The following TRAF3IP1 variants were observed in gnomAD, a reference collection of about 807,000 sequenced individuals.
TRAF3IP1 encodes the protein intraflagellar transport 54.
A neutral mutation model predicts 89.9 loss-of-function variants in TRAF3IP1; 53 were observed. That is an observed-to-expected ratio of 0.59 (90% confidence interval 0.47 to 0.74). The LOEUF is 0.74. TRAF3IP1 is among the 30% of genes least tolerant of loss of function. TRAF3IP1 has a pLI of 0.00. For synonymous variants in TRAF3IP1, 311 were observed against 322.1 expected, an observed-to-expected ratio of 0.97 and a Z score of 0.37; for missense variants, 806 against 866.1, an observed-to-expected ratio of 0.93 and a Z score of 0.87.
intron 15 of TRAF3IP1, among the ~76,000 whole-genome samples, chr2:238,376,000 G>A (rs1287683754): frequency 6.6e-6 from 1 of 152,038 alleles, no homozygotes; most frequent in South Asian, 2.1e-4. Flanking sequence ...TTCCATATGC[G>A]TGGAACTCTT....
rs750055952 is a variant in TRAF3IP1, at chr2:238,352,934, T to G, written c.1559T>G (p.Met520Arg). ...GAAGCTGCCCCTCAGCTCTCTGAAA[T>G]GTCAGAAATTGAAATGGTTAGTTAA... The part of the protein sequence containing the change: ...VVEAAPQLSE[M>R]SEIEMVTAVE... Residue 520 changes from methionine to arginine, a missense_variant, in exon 13 of 17, where the codon ATG becomes AGG. Around this residue, in one of 3 missense-constraint regions of TRAF3IP1, gnomAD observed 732 missense variants for 780.5 expected, o/e 0.94. Transcript: ENST00000373327. 6 of 1,610,120 alleles carry G rather than the reference T, an allele frequency of 3.7e-6. No individual in the cohort carries two copies. Among genetic ancestry groups the G allele is most frequent in the Admixed American group, 3.4e-5 (2 of 58,904 alleles).
At chr2:238,333,133 G>C (rs987045913) in intron 6 of TRAF3IP1, among the ~76,000 whole-genome samples, 15 of 152,166 alleles carry the variant, frequency 9.9e-5, no homozygotes, top group Non-Finnish European at 2.2e-4. Flanking sequence ...GTTTACTTAT[G>C]CCTTTATATG....
chr2:238,370,565 C>G (rs769117221), intron 15 of TRAF3IP1, among the ~76,000 whole-genome samples: 1 of 152,280 alleles, frequency 6.6e-6, no homozygotes, highest in African/African-American at 2.4e-5. Flanking sequence ...CTCCCTACCC[C>G]GGGCTCTCCC....
At chr2:238,330,400 C>T (rs1698062056) in intron 5 of TRAF3IP1, among the ~76,000 whole-genome samples, 1 of 152,210 alleles carries the variant, frequency 6.6e-6, no homozygotes, top group Non-Finnish European at 1.5e-5. Flanking sequence ...TTTTCCCAGA[C>T]ACCCAGACAC....
rs565663777 is a variant in TRAF3IP1, at chr2:238,376,634, G to C, written c.1689+20554G>C. On this transcript the variant is annotated intron_variant, in intron 15 of 16. Coordinates refer to ENST00000373327, the MANE Select transcript of TRAF3IP1 (RefSeq NM_015650.4). ...GTCTTTTAGTGAATGTTTATAATTT[G>C]ATTTGTTAAGGTTGTTCGTATCTTT... 6.6e-5 allele frequency among the ~76,000 whole-genome samples: 10 copies of C among 152,264 alleles called. 1 individual carries two copies. In the East Asian group the frequency reaches 1.3e-3, roughly 21 times the overall value.
chr2:238,391,617 T>A (rs524336), intron 15 of TRAF3IP1, among the ~76,000 whole-genome samples: 39,142 of 152,130 alleles, frequency 0.26, 6,093 homozygotes, highest in Middle Eastern at 0.44. Flanking sequence ...TATTTTAAAG[T>A]CTTAATCTCT....
intron 1 of TRAF3IP1, among the ~76,000 whole-genome samples, chr2:238,321,474 G>C (rs1359132924): frequency 6.6e-6 from 1 of 152,226 alleles, no homozygotes; most frequent in Admixed American, 6.5e-5. Context: ...GGACTTGGCA[G>C]GAAAGACTGT....
intron 15 of TRAF3IP1, among the ~76,000 whole-genome samples, chr2:238,395,667 A>T (rs186401291): frequency 1.9e-3 from 285 of 152,294 alleles, no homozygotes; most frequent in African/African-American, 6.3e-3. Flanking sequence ...ATCTACAATG[A>T]ACTCAAACAA....
In TRAF3IP1 at chr2:238,332,911, T is replaced by G. The variant is rs753772411; in HGVS notation, c.987+16T>G. The stretch of plus-strand genomic sequence containing the variant: ...TGAAACAGAGGTAAACTTTAAAAAA[T>G]AACTTTTAAGAGATGTCAACTTGTA... On this transcript the variant is annotated intron_variant, in intron 6 of 16. Transcript: ENST00000373327. 8.2e-6 allele frequency: 13 copies of G among 1,593,674 alleles called. No homozygotes were observed. The East Asian group carries it at 2.9e-4, about 36-fold the overall frequency.
chr2:238,367,720 G>A (rs550654247), intron 15 of TRAF3IP1, among the ~76,000 whole-genome samples: 54 of 152,260 alleles, frequency 3.5e-4, no homozygotes, highest in African/African-American at 1.3e-3. Flanking sequence ...CACTGCTGAG[G>A]AAATTGAGGC....
chr2:238,387,600 A>G (rs1050826145), intron 15 of TRAF3IP1, among the ~76,000 whole-genome samples: 1 of 152,214 alleles, frequency 6.6e-6, no homozygotes, highest in African/African-American at 2.4e-5. Flanking sequence ...TCACGTGCTC[A>G]TCTCTATTGG....
At chr2:238,332,947 A>G in intron 6 of TRAF3IP1, 52 bp downstream of exon 6, 1 of 1,394,504 alleles carries the variant, frequency 7.2e-7, no homozygotes, top group Non-Finnish European at 1.0e-6. Context: ...GCTGTGTTGA[A>G]ATAGTGAATG....
intron 15 of TRAF3IP1, among the ~76,000 whole-genome samples, chr2:238,367,695 A>C (rs1008260273): frequency 9.2e-5 from 14 of 151,990 alleles, no homozygotes; most frequent in African/African-American, 3.4e-4. Flanking sequence ...GGCCTCCTGC[A>C]CCTGCACCAC....
In TRAF3IP1 at chr2:238,400,352, C is replaced by T. The variant is rs1003837694; in HGVS notation, c.*1433C>T. On this transcript the variant is annotated 3_prime_UTR_variant, in exon 17 of 17. Coordinates refer to ENST00000373327, the MANE Select transcript of TRAF3IP1 (RefSeq NM_015650.4). ...CTCGTGATCCGCCTGCCTCGGCCTC[C>T]CAAAGTGCTGGGATTACAGGCATGA... is the stretch of plus-strand genomic sequence containing the variant. 5 of 152,258 alleles carry T rather than the reference C, an allele frequency of 3.3e-5. No individual in the cohort carries two copies. The highest frequency in any genetic ancestry group is 1.3e-4 in the Admixed American group (2 of 15,284). 9.4% of individuals were successfully genotyped at this position (152,258 alleles called of 1,614,324 possible).
At chr2:238,327,135 A>G (rs941439534) in intron 3 of TRAF3IP1, among the ~76,000 whole-genome samples, 1 of 152,024 alleles carries the variant, frequency 6.6e-6, no homozygotes, top group African/African-American at 2.4e-5. Flanking sequence ...CCTCCATTCC[A>G]GTCGCCACGC....
chr2:238,351,677 C>G lies in TRAF3IP1; in HGVS notation c.1452-1150C>G, dbSNP rs115375151. 6.6e-6 allele frequency among the ~76,000 whole-genome samples: 1 copy of G among 152,100 alleles called. No homozygotes were observed. Among genetic ancestry groups the G allele is most frequent in the South Asian group, 2.1e-4 (1 of 4,826 alleles). ...GCAGCGGGTTCGAAGTGAGGTTGGT[C>G]CTGGCGGAGCCACACAGGTGGTTGT... On this transcript the variant is annotated intron_variant, in intron 12 of 16. Coordinates refer to ENST00000373327, the MANE Select transcript of TRAF3IP1 (RefSeq NM_015650.4). The surrounding 1 kb of genome is among the most constrained non-coding windows in gnomAD (Gnocchi z 5.2).
At position 238,351,733 on chromosome 2, in the gene TRAF3IP1, C is replaced by T. The variant is rs372599330; in HGVS notation, c.1452-1094C>T. Among the ~76,000 whole-genome samples, 9 of 151,986 alleles carry T rather than the reference C, an allele frequency of 5.9e-5. No individual in the cohort carries two copies. The highest frequency in any genetic ancestry group is 1.7e-4 in the African/African-American group (7 of 41,364). Reference sequence around the variant, plus strand: ...GTCTCAAGGACCCAGTTGAGGAAGTCGAGGATGTTTGGGGCAATGGGTGTT... The same window carrying T: ...GTCTCAAGGACCCAGTTGAGGAAGTTGAGGATGTTTGGGGCAATGGGTGTT... On this transcript the variant is annotated intron_variant, in intron 12 of 16. Transcript: ENST00000373327. This position sits in a 1 kb window ranked among gnomAD's most constrained non-coding sequence, Gnocchi z 5.2.
chr2:238,398,991 CTT>C lies in TRAF3IP1; in HGVS notation c.*75_*76del. 7.4e-6 allele frequency: 10 copies of C among 1,351,086 alleles called. No individual in the cohort carries two copies. Among genetic ancestry groups the C allele is most frequent in the Non-Finnish European group, 1.0e-5 (10 of 989,200 alleles). 83.7% of individuals were successfully genotyped at this position (1,351,086 alleles called of 1,614,324 possible). On this transcript the variant is annotated 3_prime_UTR_variant, in exon 17 of 17. Transcript: ENST00000373327. ...AAAAGGAAGATAGAAAATCATTACT[CTT>C]TTAAGTTCCAGTTTGCTAAGAAAAT...
intron 15 of TRAF3IP1, among the ~76,000 whole-genome samples, chr2:238,382,666 G>A (rs940290385): frequency 6.6e-6 from 1 of 152,084 alleles, no homozygotes; most frequent in African/African-American, 2.4e-5. Context: ...TCACAGTCGA[G>A]TGTCACCAGC....
Sources: allele counts gnomAD v4.1 joint callset (sites outside exome capture counted in the v4.1 genomes callset), GRCh38; gene constraint gnomAD v4.1.1; regional missense constraint gnomAD v4.1.1; non-coding constraint Gnocchi (gnomAD v3.1); transcripts MANE v1.5; gene names NCBI Gene and HGNC (gene_info 2026-07-23, HGNC 2026-07-21).